The following FHIT variants were observed in gnomAD, a reference collection of about 807,000 sequenced individuals.
FHIT encodes bis(5'-adenosyl)-triphosphatase.
Under a neutral mutation model 17.9 loss-of-function variants are expected in FHIT, and 19 were observed. That is an observed-to-expected ratio of 1.06 (90% CI 0.74 to 1.56). The LOEUF (loss-of-function observed/expected upper bound fraction) is 1.56. Among genes scored for constraint, FHIT ranks in the 40% most tolerant of loss-of-function variants. The pLI, the probability that FHIT is intolerant of heterozygous loss-of-function variation, is 0.00. For missense variants in FHIT, 248 were observed against 189.2 expected (o/e 1.31, Z -1.82); for synonymous variants, 81 against 69.7 (o/e 1.16, Z -0.81).
At chr3:60,325,204 T>C (rs547870901) in intron 5 of FHIT, among the ~76,000 whole-genome samples, 1 of 152,334 alleles carries the variant, frequency 6.6e-6, no homozygotes, top group East Asian at 1.9e-4. Context: ...CCATGCTACA[T>C]ATTTTTATAA....
chr3:60,358,092 A>G (rs551885495), intron 5 of FHIT, among the ~76,000 whole-genome samples: 11 of 152,354 alleles, frequency 7.2e-5, no homozygotes, highest in African/African-American at 1.9e-4. Flanking sequence ...GGAGAACCAC[A>G]TAAGTTTTGA....
chr3:60,758,657 A>T (rs782258171), intron 4 of FHIT, among the ~76,000 whole-genome samples: 20 of 152,230 alleles, frequency 1.3e-4, no homozygotes, highest in Non-Finnish European at 2.8e-4. Flanking sequence ...TCGCTTAAAA[A>T]TTTAGATGTA....
At chr3:60,136,866 G>A (rs1349153901) in intron 5 of FHIT, among the ~76,000 whole-genome samples, 1 of 149,524 alleles carries the variant, frequency 6.7e-6, no homozygotes, top group Non-Finnish European at 1.5e-5. Context: ...GTAACAGTCT[G>A]ATACTAGAAA....
At chr3:60,124,904 C>G (rs1007311966) in intron 5 of FHIT, among the ~76,000 whole-genome samples, 2 of 152,140 alleles carry the variant, frequency 1.3e-5, no homozygotes, top group African/African-American at 4.8e-5. Context: ...GGCCACACAA[C>G]TAGCCCCTGA....
chr3:60,252,451 C>A (rs1042384077), intron 5 of FHIT, among the ~76,000 whole-genome samples: 1 of 151,950 alleles, frequency 6.6e-6, no homozygotes, highest in East Asian at 1.9e-4. Flanking sequence ...GTAGTCCCAG[C>A]TACTAGAAAG....
intron 4 of FHIT, among the ~76,000 whole-genome samples, chr3:60,555,654 C>A (rs1377436278): frequency 6.6e-6 from 1 of 152,156 alleles, no homozygotes; most frequent in Non-Finnish European, 1.5e-5. Flanking sequence ...GATCTCTAAT[C>A]CTACCCATCT....
chr3:60,451,893 T>C (rs375482148), intron 5 of FHIT, among the ~76,000 whole-genome samples: 1 of 152,088 alleles, frequency 6.6e-6, no homozygotes, highest in Non-Finnish European at 1.5e-5. Context: ...GACTTAAAGA[T>C]ACAATCCTTA....
intron 1 of FHIT, among the ~76,000 whole-genome samples, chr3:61,214,028 G>A (rs1199701089): frequency 2.0e-5 from 3 of 152,080 alleles, no homozygotes; most frequent in Non-Finnish European, 4.4e-5. Flanking sequence ...GAAATTTATA[G>A]CACTAAATGC....
intron 5 of FHIT, among the ~76,000 whole-genome samples, chr3:60,524,492 A>G (rs1188081381): frequency 6.6e-6 from 1 of 152,122 alleles, no homozygotes; most frequent in Non-Finnish European, 1.5e-5. Flanking sequence ...AACAAACAAC[A>G]AGGAATCTAG....
At chr3:60,158,798 G>A (rs1700816303) in intron 5 of FHIT, among the ~76,000 whole-genome samples, 2 of 152,006 alleles carry the variant, frequency 1.3e-5, no homozygotes, top group African/African-American at 2.4e-5. Flanking sequence ...CCCACTTTGT[G>A]ACAGCACCCT....
chr3:61,194,877 G>C (rs894582073), intron 2 of FHIT, among the ~76,000 whole-genome samples: 1 of 152,020 alleles, frequency 6.6e-6, no homozygotes, highest in African/African-American at 2.4e-5. Context: ...CTATACAAAT[G>C]CAAAGTATTA....
chr3:59,756,128 A>G (rs1200587383), intron 8 of FHIT, among the ~76,000 whole-genome samples: 1 of 152,198 alleles, frequency 6.6e-6, no homozygotes, highest in African/African-American at 2.4e-5. Flanking sequence ...GACAGCGAGC[A>G]CTAAAAATTC....
intron 8 of FHIT, among the ~76,000 whole-genome samples, chr3:59,811,693 T>C (rs1025506657): frequency 6.6e-6 from 1 of 152,116 alleles, no homozygotes. Flanking sequence ...TTTTGATACA[T>C]AAAGAAAAGG....
chr3:60,624,503 A>C (rs1482999064), intron 4 of FHIT, among the ~76,000 whole-genome samples: 2 of 152,202 alleles, frequency 1.3e-5, no homozygotes, highest in Non-Finnish European at 2.9e-5. Flanking sequence ...TAAATATAGG[A>C]ACATGAATGA....
intron 4 of FHIT, among the ~76,000 whole-genome samples, chr3:60,605,779 A>G (rs2038589594): frequency 6.6e-6 from 1 of 152,182 alleles, no homozygotes. Context: ...GTTCTTGCCT[A>G]TGAGAGTTTT....
intron 5 of FHIT, among the ~76,000 whole-genome samples, chr3:60,212,522 G>A (rs560192888): frequency 2.5e-4 from 38 of 152,186 alleles, no homozygotes; most frequent in African/African-American, 8.7e-4. Context: ...ATAATATAAG[G>A]TATTTTCTCC....
chr3:60,126,802 G>C (rs56687712), intron 5 of FHIT, among the ~76,000 whole-genome samples: 66,472 of 151,758 alleles, frequency 0.44, 14,853 homozygotes, highest in African/African-American at 0.48. Flanking sequence ...CCAGATCTGG[G>C]GATTTTCAGA....
chr3:60,224,629 A>G (rs950125047), intron 5 of FHIT, among the ~76,000 whole-genome samples: 2 of 152,126 alleles, frequency 1.3e-5, no homozygotes, highest in South Asian at 4.1e-4. Context: ...ACAACAAATT[A>G]TATGTCCACC....
intron 2 of FHIT, among the ~76,000 whole-genome samples, chr3:61,067,840 C>T (rs991795966): frequency 6.6e-6 from 1 of 152,178 alleles, no homozygotes; most frequent in African/African-American, 2.4e-5. Context: ...CTTTACTGAA[C>T]AACCTGTTTG....
Sources: allele counts gnomAD v4.1 joint callset (sites outside exome capture counted in the v4.1 genomes callset), GRCh38; gene constraint gnomAD v4.1.1; transcripts MANE v1.5; gene names NCBI Gene and HGNC (gene_info 2026-07-23, HGNC 2026-07-21).